AIFM2: variants seen among roughly 807,000 people sequenced by gnomAD.
AIFM2 encodes AIF family member 2, ferroptosis suppressor, also known as ferroptosis suppressor protein 1.
In AIFM2, 38 loss-of-function variants were observed where a neutral mutation model predicts 35.7. That is an observed-to-expected ratio of 1.06 (90% CI 0.82 to 1.39). The LOEUF is 1.39. Among genes scored for constraint, AIFM2 ranks in the 40% most tolerant of loss-of-function variants. The pLI is 0.00. For missense variants in AIFM2, 476 were observed against 491.2 expected (o/e 0.97, Z 0.29); for synonymous variants, 185 against 203.5 (o/e 0.91, Z 0.77).
chr10:70,128,788 G>A (rs56743835), intron 1 of AIFM2, among the ~76,000 whole-genome samples: 6,024 of 152,212 alleles, frequency 0.04, 433 homozygotes, highest in African/African-American at 0.14. Flanking sequence ...TTGAGCCCAG[G>A]AGTTTGAGGC....
chr10:70,132,511 T>A (rs1196090283), intron 1 of AIFM2, among the ~76,000 whole-genome samples: 1 of 152,160 alleles, frequency 6.6e-6, no homozygotes, highest in Admixed American at 6.5e-5. Flanking sequence ...TTCTTTGCCC[T>A]CGGCCAGGAG....
At position 70,124,058 on chromosome 10, in the gene AIFM2, C is replaced by G. The variant is rs749854948; in HGVS notation, c.27G>C (p.Ser9=). MGSQVSVE[S]GALHVVIVGG... ...CCACAATCACCACGTGCAGAGCTCC[C>G]GATTCCACCGAGACCTGGGACCCCA... Residue 9 remains serine (S), a synonymous_variant, in exon 2 of 9, where the codon TCG becomes TCC. Transcript: ENST00000307864. 1 of 1,571,052 alleles carries G rather than the reference C, an allele frequency of 6.4e-7. No homozygotes were observed. Among genetic ancestry groups the G allele is most frequent in the Non-Finnish European group, 8.6e-7 (1 of 1,156,362 alleles).
At chr10:70,123,342 A>G (rs2072530440) in intron 3 of AIFM2, 63 bp downstream of exon 3, 1 of 1,426,678 alleles carries the variant, frequency 7.0e-7, no homozygotes, top group Non-Finnish European at 9.8e-7. Flanking sequence ...ACCCTGGAGG[A>G]TCCCGCCCAG....
At chr10:70,122,122 TA>T (rs1296041581) in intron 3 of AIFM2, among the ~76,000 whole-genome samples, 3 of 151,958 alleles carry the variant, frequency 2.0e-5, no homozygotes, top group African/African-American at 7.3e-5. Flanking sequence ...TTTTTTTAAT[TA>T]AAAAAATTGT....
At chr10:70,123,812 C>G in intron 2 of AIFM2, 95 bp downstream of exon 2, 3 of 1,337,370 alleles carry the variant, frequency 2.2e-6, no homozygotes, top group South Asian at 3.3e-5. Context: ...GCACTTGGCC[C>G]TAAATGGAGA....
rs778913225 is a variant in AIFM2, at chr10:70,116,739, T to C, written c.652A>G (p.Asn218Asp). The C allele has an allele frequency of 2.4e-5, 38 of 1,614,180 alleles. No individual in the cohort carries two copies. Among genetic ancestry groups the C allele is most frequent in the Non-Finnish European group, 3.1e-5 (37 of 1,180,022 alleles). Residue 218 changes from asparagine (N) to aspartate (D), a missense_variant, in exon 7 of 9, where the codon AAT becomes GAT. Asn to Asp is a conservative substitution (Grantham distance 23). Transcript: ENST00000307864. ...ACTTTGATGTACTCTCGATACTCAT[T>C]GAGAGGCAGCTCCTCCAGATTGCTC... ...RVSNLEELPL[N>D]EYREYIKVQT...
chr10:70,131,515 T>C lies in AIFM2; in HGVS notation c.-14+1219A>G, dbSNP rs2136671270. Among the ~76,000 whole-genome samples, 1 of 152,312 alleles carries C rather than the reference T, an allele frequency of 6.6e-6. No homozygotes were observed. The highest frequency in any genetic ancestry group is 2.1e-4 in the South Asian group (1 of 4,830). ...TTTTATCCCCAGGGGAGGGCAGCTCTGGGGCAGACAGGTTCATCTGGATGT... is the reference window on the plus strand; with the variant it reads ...TTTTATCCCCAGGGGAGGGCAGCTCCGGGGCAGACAGGTTCATCTGGATGT... On this transcript the variant is annotated intron_variant, in intron 1 of 8. Coordinates refer to ENST00000307864, the MANE Select transcript of AIFM2 (RefSeq NM_032797.6). This position sits in a 1 kb window ranked among gnomAD's most constrained non-coding sequence, Gnocchi z 4.1.
intron 2 of AIFM2, 79 bp from the exon 3 acceptor site, chr10:70,123,599 C>T (rs2072533731): frequency 1.7e-5 from 22 of 1,330,614 alleles, no homozygotes; most frequent in Admixed American, 5.3e-5. Flanking sequence ...GAACCTTTCA[C>T]GAGCTGCAAA....
rs564458380 is a variant in AIFM2 at position 70,131,447 on chromosome 10, C to A, written c.-14+1287G>T. Among the ~76,000 whole-genome samples the A allele has an allele frequency of 6.4e-4, 97 of 152,210 alleles. No individual in the cohort carries two copies. The highest frequency in any genetic ancestry group is 1.1e-3 in the Non-Finnish European group (78 of 68,040). On this transcript the variant is annotated intron_variant, in intron 1 of 8. Coordinates refer to ENST00000307864, the MANE Select transcript of AIFM2 (RefSeq NM_032797.6). This position sits in a 1 kb window ranked among gnomAD's most constrained non-coding sequence, Gnocchi z 4.1. ...TTGAAGAACAGAACCCCCAAAAGAC[C>A]AGTTTCTGAAAAGGGACTCAAAGTC...
intron 1 of AIFM2, among the ~76,000 whole-genome samples, chr10:70,127,286 G>C (rs2072578841): frequency 6.6e-6 from 1 of 152,240 alleles, no homozygotes; most frequent in South Asian, 2.1e-4. Context: ...CCCTGAGAGG[G>C]GCTACGCAGC....
chr10:70,123,597 C>T, intron 2 of AIFM2, 77 bp from the exon 3 acceptor site: 2 of 1,337,530 alleles, frequency 1.5e-6, no homozygotes, highest in Non-Finnish European at 1.1e-6. Flanking sequence ...CAGAACCTTT[C>T]ACGAGCTGCA....
intron 7 of AIFM2, among the ~76,000 whole-genome samples, 196 bp from the exon 8 acceptor site, chr10:70,115,316 A>G (rs987628964): frequency 6.6e-6 from 1 of 152,206 alleles, no homozygotes; most frequent in South Asian, 2.1e-4. Context: ...TGAAGTCTCT[A>G]CCTCACAACT....
chr10:70,118,930 C>T (rs2072467519), intron 5 of AIFM2, among the ~76,000 whole-genome samples: 1 of 152,128 alleles, frequency 6.6e-6, no homozygotes, highest in South Asian at 2.1e-4. Flanking sequence ...CCTGGATGAT[C>T]GCTGGTCACC....
intron 4 of AIFM2, 111 bp from the exon 5 acceptor site, chr10:70,120,710 A>G: frequency 1.7e-6 from 2 of 1,190,872 alleles, no homozygotes; most frequent in Non-Finnish European, 2.5e-6. Context: ...AGGGCAGAGA[A>G]CCCTTTCCAC....
rs1255336510 is a variant in AIFM2, at chr10:70,117,350, C to T, written c.616+462G>A. 6.6e-6 allele frequency among the ~76,000 whole-genome samples: 1 copy of T among 152,210 alleles called. No homozygotes were observed. The highest frequency in any genetic ancestry group is 1.5e-5 in the Non-Finnish European group (1 of 68,042). On this transcript the variant is annotated intron_variant, in intron 6 of 8. Coordinates refer to ENST00000307864, the MANE Select transcript of AIFM2 (RefSeq NM_032797.6). The surrounding 1 kb of genome is among the most constrained non-coding windows in gnomAD (Gnocchi z 4.7). ...GGGCCACAGCGCTGGAAGAGAACCT[C>T]ACTTTCCAGCATTTGCTGGGTGGGT...
chr10:70,129,246 G>A (rs1342732557), intron 1 of AIFM2, among the ~76,000 whole-genome samples: 1 of 151,728 alleles, frequency 6.6e-6, no homozygotes, highest in Non-Finnish European at 1.5e-5. Flanking sequence ...AATTACAGGG[G>A]TAAGCCACTG....
chr10:70,123,359 C>A (rs776001303), intron 3 of AIFM2, 46 bp downstream of exon 3: 5 of 1,538,016 alleles, frequency 3.3e-6, no homozygotes, highest in African/African-American at 1.4e-5. Context: ...CCAGGCCCTG[C>A]AGAGGGCCCT....
At position 70,117,793 on chromosome 10, in the gene AIFM2, G is replaced by A. The variant is rs1298823711; in HGVS notation, c.616+19C>T. On this transcript the variant is annotated intron_variant, in intron 6 of 8. Transcript: ENST00000307864. The surrounding 1 kb of genome is among the most constrained non-coding windows in gnomAD (Gnocchi z 4.7). The stretch of plus-strand genomic sequence containing the variant: ...ACCAGGCCAGGGCAGGGCAGGGAGG[G>A]AGGTGAGGGTGCACGTACTCAGCAG... The A allele has an allele frequency of 6.3e-7, 1 of 1,586,454 alleles. No individual in the cohort carries two copies. Among genetic ancestry groups the A allele is most frequent in the African/African-American group, 1.4e-5 (1 of 73,480 alleles).
In AIFM2 at chr10:70,117,807, C is replaced by T. The variant is rs780830458; in HGVS notation, c.616+5G>A. The T allele has an allele frequency of 7.5e-6, 12 of 1,602,192 alleles. No homozygotes were observed. Among genetic ancestry groups the T allele is most frequent in the African/African-American group, 2.7e-5 (2 of 74,074 alleles). Reference sequence around the variant, plus strand: ...GGGCAGGGAGGGAGGTGAGGGTGCACGTACTCAGCAGCAGCTGCACGCCCT... The same window carrying T: ...GGGCAGGGAGGGAGGTGAGGGTGCATGTACTCAGCAGCAGCTGCACGCCCT... On this transcript the variant is annotated splice_donor_5th_base_variant and intron_variant, in intron 6 of 8. Transcript: ENST00000307864. The surrounding 1 kb of genome is among the most constrained non-coding windows in gnomAD (Gnocchi z 4.7).
Sources: gnomAD v4.1 joint callset for allele counts (sites outside exome capture counted in the v4.1 genomes callset) on GRCh38, gnomAD v4.1.1 for gene constraint, Gnocchi (gnomAD v3.1) non-coding constraint, MANE v1.5 for transcripts, NCBI Gene and HGNC (gene_info 2026-07-23, HGNC 2026-07-21) for gene names.